DOCK2: variants seen among roughly 807,000 people sequenced by gnomAD.
DOCK2 encodes dedicator of cytokinesis protein 2.
In DOCK2, 87 loss-of-function variants were observed where a neutral mutation model predicts 248.9. The observed-to-expected ratio is 0.35, with a 90% CI of 0.29 to 0.42. The LOEUF (loss-of-function observed/expected upper bound fraction) is 0.42. Ranked by LOEUF, DOCK2 falls within the 10% of genes least tolerant of loss-of-function variation. The probability of loss-of-function intolerance (pLI) is 1.00; values close to 1 mark genes in which losing one functional copy is unlikely to be tolerated. For synonymous variants in DOCK2, 805 were observed against 821.6 expected, an observed-to-expected ratio of 0.98 and a Z score of 0.35; for missense variants, 1,747 against 2,300.2, an observed-to-expected ratio of 0.76 and a Z score of 4.92.
intron 13 of DOCK2, 33 bp from the exon 14 acceptor site, chr5:169,702,270 A>C: frequency 1.2e-6 from 2 of 1,610,984 alleles, no homozygotes. Context: ...TGTAATCCAC[A>C]CTAACTCTTG....
chr5:169,963,855 G>C (rs1777190653), intron 27 of DOCK2, among the ~76,000 whole-genome samples: 1 of 152,110 alleles, frequency 6.6e-6, no homozygotes, highest in South Asian at 2.1e-4. Context: ...ATAGACCGCT[G>C]GGCCTACCCC....
chr5:170,021,697 C>G (rs1219390795), intron 33 of DOCK2, among the ~76,000 whole-genome samples: 1 of 152,176 alleles, frequency 6.6e-6, no homozygotes, highest in Non-Finnish European at 1.5e-5. Context: ...ACAGGACAAT[C>G]AGGCTGACTA....
chr5:169,914,232 A>G (rs1774756206), intron 27 of DOCK2, among the ~76,000 whole-genome samples: 1 of 152,208 alleles, frequency 6.6e-6, no homozygotes, highest in African/African-American at 2.4e-5. Flanking sequence ...GGATTTTTCA[A>G]CTTGATGCTC....
chr5:169,671,189 T>G lies in DOCK2; in HGVS notation c.321+15T>G. On this transcript the variant is annotated intron_variant, in intron 5 of 51. Transcript: ENST00000520908. ...AACTCTATGTGGTGAGACTCAGAAC[T>G]CTGCTCCCTGAGTTGGAAGCTTCTT... is the stretch of plus-strand genomic sequence containing the variant. 6.2e-7 allele frequency: 1 copy of G among 1,606,030 alleles called. No individual in the cohort carries two copies. Among genetic ancestry groups the G allele is most frequent in the South Asian group, 1.1e-5 (1 of 90,348 alleles).
intron 21 of DOCK2, 87 bp from the exon 22 acceptor site, chr5:169,718,569 AC>A: frequency 1.4e-6 from 2 of 1,475,716 alleles, no homozygotes; most frequent in Non-Finnish European, 1.8e-6. Context: ...ACCACCTTTA[AC>A]CTTTGATTGA....
At chr5:169,864,162 G>T (rs1771385033) in intron 27 of DOCK2, 2 of 961,194 alleles carry the variant, frequency 2.1e-6, no homozygotes, top group Non-Finnish European at 1.6e-6. Flanking sequence ...AGGCCAAGGG[G>T]CTCACAGCCC....
intron 25 of DOCK2, among the ~76,000 whole-genome samples, chr5:169,782,938 T>G (rs1765791787): frequency 6.6e-6 from 1 of 152,256 alleles, no homozygotes; most frequent in South Asian, 2.1e-4. Context: ...CAAAAAATGT[T>G]TATTGATTCT....
intron 27 of DOCK2, chr5:169,883,726 G>A (rs1214514969): frequency 3.9e-6 from 6 of 1,551,496 alleles, no homozygotes; most frequent in Non-Finnish European, 5.2e-6. Context: ...GTCTTCTGGA[G>A]TTTGGACGTC....
intron 8 of DOCK2, 26 bp downstream of exon 8, chr5:169,684,376 T>C (rs756691245): frequency 6.2e-7 from 1 of 1,611,418 alleles, no homozygotes. Context: ...GTTGCCCTAC[T>C]TCTCTGACTA....
chr5:169,650,127 C>T (rs1440358856), intron 1 of DOCK2, among the ~76,000 whole-genome samples: 1 of 152,164 alleles, frequency 6.6e-6, no homozygotes, highest in Admixed American at 6.5e-5. Flanking sequence ...TCTTATCTAT[C>T]ACTGTGACTA....
chr5:169,909,724 G>T (rs189337868), intron 27 of DOCK2, among the ~76,000 whole-genome samples: 26 of 152,220 alleles, frequency 1.7e-4, no homozygotes, highest in African/African-American at 6.3e-4. Flanking sequence ...ACAGAATTTT[G>T]GTTCTATCCC....
At chr5:169,671,208 G>A in intron 5 of DOCK2, 34 bp downstream of exon 5, 1 of 1,591,770 alleles carries the variant, frequency 6.3e-7, no homozygotes, top group Non-Finnish European at 8.6e-7. Context: ...TGAGTTGGAA[G>A]CTTCTTGCAA....
At chr5:169,876,528 G>A (rs150951672) in intron 27 of DOCK2, among the ~76,000 whole-genome samples, 110 of 152,280 alleles carry the variant, frequency 7.2e-4, no homozygotes, top group African/African-American at 2.6e-3. Context: ...AGAAGTCCTG[G>A]GCAATAATGT....
chr5:169,809,973 G>T (rs773073052), intron 26 of DOCK2, among the ~76,000 whole-genome samples: 3 of 152,138 alleles, frequency 2.0e-5, no homozygotes, highest in Non-Finnish European at 4.4e-5. Flanking sequence ...TTGCTCCATT[G>T]TGGCACCTGT....
At chr5:170,014,553 A>C (rs1320666526) in intron 32 of DOCK2, among the ~76,000 whole-genome samples, 1 of 149,474 alleles carries the variant, frequency 6.7e-6, no homozygotes, top group African/African-American at 2.5e-5. Flanking sequence ...TCAAGGGCTC[A>C]AAAGACTCAT....
At chr5:170,037,558 C>T (rs1252557784) in intron 36 of DOCK2, among the ~76,000 whole-genome samples, 1 of 149,894 alleles carries the variant, frequency 6.7e-6, no homozygotes, top group Non-Finnish European at 1.5e-5. Context: ...GCCTATTCAG[C>T]TCACTGCAAC....
chr5:169,930,822 C>T (rs1775717285), intron 27 of DOCK2, among the ~76,000 whole-genome samples: 2 of 152,176 alleles, frequency 1.3e-5, no homozygotes, highest in South Asian at 4.1e-4. Flanking sequence ...TTTTCTTATG[C>T]TTTCAGCTCT....
intron 27 of DOCK2, among the ~76,000 whole-genome samples, chr5:169,887,014 C>A (rs1439939640): frequency 6.6e-6 from 1 of 152,160 alleles, no homozygotes; most frequent in South Asian, 2.1e-4. Flanking sequence ...AACTGAGGCA[C>A]AGAAGATGAA....
intron 27 of DOCK2, among the ~76,000 whole-genome samples, chr5:169,938,973 G>A (rs1277097377): frequency 6.8e-6 from 1 of 146,754 alleles, no homozygotes; most frequent in Non-Finnish European, 1.5e-5. Context: ...GCGTGATCTC[G>A]GCTCACTGCA....
Sources: gnomAD v4.1 joint callset for allele counts (sites outside exome capture counted in the v4.1 genomes callset) on GRCh38, gnomAD v4.1.1 for gene constraint, MANE v1.5 for transcripts, NCBI Gene and HGNC (gene_info 2026-07-23, HGNC 2026-07-21) for gene names.